NALCN: variants seen among roughly 807,000 people sequenced by gnomAD.
The protein encoded by NALCN is sodium leak channel NALCN.
A neutral mutation model predicts 225.3 loss-of-function variants in NALCN; 111 were observed. The ratio of observed to expected loss-of-function variants is 0.49; its 90% confidence interval spans 0.42 to 0.58. The LOEUF (loss-of-function observed/expected upper bound fraction) is 0.58, where lower values mean the gene tolerates loss of function less well. NALCN is among the 20% of genes least tolerant of loss of function. NALCN has a pLI of 0.00. For missense variants in NALCN, 1,378 were observed against 2,202.4 expected, an observed-to-expected ratio of 0.63 and a Z score of 7.49; for synonymous variants, 764 against 769.0, an observed-to-expected ratio of 0.99 and a Z score of 0.11.
chr13:101,369,030 T>G, intron 6 of NALCN: 1 of 348,622 alleles, frequency 2.9e-6, no homozygotes. Flanking sequence ...AAAAAAGATA[T>G]TATTGATAGA....
chr13:101,172,960 A>T (rs2038801873), intron 15 of NALCN, among the ~76,000 whole-genome samples: 2 of 152,240 alleles, frequency 1.3e-5, no homozygotes, highest in South Asian at 2.1e-4. Flanking sequence ...AGTTAAAAAC[A>T]TATCGATAAT....
chr13:101,207,663 C>G (rs541378535), intron 13 of NALCN, among the ~76,000 whole-genome samples: 1 of 152,052 alleles, frequency 6.6e-6, no homozygotes, highest in South Asian at 2.1e-4. Context: ...CTGTGTCTAG[C>G]TAAAGATTTG....
chr13:101,263,414 T>C (rs2042497354), intron 10 of NALCN, among the ~76,000 whole-genome samples: 1 of 152,256 alleles, frequency 6.6e-6, no homozygotes, highest in Admixed American at 6.5e-5. Flanking sequence ...ATTCCTTTTC[T>C]ATACTCCTTT....
chr13:101,110,578 T>A (rs771035945), intron 20 of NALCN, 41 bp downstream of exon 20: 3 of 1,594,378 alleles, frequency 1.9e-6, no homozygotes. Flanking sequence ...TACATTTTCA[T>A]AATCACGTTT....
intron 1 of NALCN, among the ~76,000 whole-genome samples, chr13:101,411,914 T>C (rs189080039): frequency 1.3e-5 from 2 of 152,330 alleles, no homozygotes; most frequent in African/African-American, 4.8e-5. Context: ...AATTGTCTAC[T>C]GATATTTTTC....
At chr13:101,177,544 C>A (rs1260210261) in intron 14 of NALCN, among the ~76,000 whole-genome samples, 3 of 151,172 alleles carry the variant, frequency 2.0e-5, no homozygotes, top group Non-Finnish European at 4.4e-5. Flanking sequence ...ACAATTTTTC[C>A]TCTTTTAAAA....
intron 15 of NALCN, among the ~76,000 whole-genome samples, chr13:101,157,769 T>C (rs2037976537): frequency 6.8e-6 from 1 of 147,552 alleles, no homozygotes; most frequent in Admixed American, 6.8e-5. Flanking sequence ...TTTTTTTTCC[T>C]GAGATGGAGT....
chr13:101,194,896 C>T (rs1466215127), intron 13 of NALCN, among the ~76,000 whole-genome samples: 12 of 151,998 alleles, frequency 7.9e-5, no homozygotes, highest in African/African-American at 2.9e-4. Flanking sequence ...CCCAGCTACT[C>T]GGGAGGCTGA....
At chr13:101,189,842 G>T (rs1004919873) in intron 14 of NALCN, among the ~76,000 whole-genome samples, 2 of 152,192 alleles carry the variant, frequency 1.3e-5, no homozygotes, top group African/African-American at 4.8e-5. Context: ...ACTTAAATCA[G>T]TAAGTGGAAA....
At chr13:101,355,487 A>G (rs188180921) in intron 6 of NALCN, among the ~76,000 whole-genome samples, 10 of 152,314 alleles carry the variant, frequency 6.6e-5, no homozygotes, top group Admixed American at 2.0e-4. Flanking sequence ...TCAATTCAAC[A>G]AGAAGAGCTA....
intron 13 of NALCN, among the ~76,000 whole-genome samples, chr13:101,194,792 T>G (rs1269190463): frequency 6.6e-6 from 1 of 152,126 alleles, no homozygotes; most frequent in Admixed American, 6.5e-5. Context: ...TCACTTGAGG[T>G]CAGGAGTTCC....
chr13:101,255,417 C>T (rs1394809079), intron 11 of NALCN, among the ~76,000 whole-genome samples: 1 of 149,444 alleles, frequency 6.7e-6, no homozygotes, highest in Non-Finnish European at 1.5e-5. Flanking sequence ...TTCACTTATG[C>T]TCCAGGACTG....
chr13:101,406,094 C>A (rs534832264), intron 1 of NALCN, among the ~76,000 whole-genome samples: 3 of 150,328 alleles, frequency 2.0e-5, no homozygotes, highest in African/African-American at 7.4e-5. Flanking sequence ...GGCAGTGGAT[C>A]GCTTGAGTCC....
chr13:101,090,017 G>A (rs1374452679), intron 28 of NALCN, 51 bp from the exon 29 acceptor site: 9 of 1,610,518 alleles, frequency 5.6e-6, no homozygotes, highest in African/African-American at 1.3e-5. Flanking sequence ...AGCAGCACCC[G>A]AAGGCAAATA....
intron 10 of NALCN, among the ~76,000 whole-genome samples, chr13:101,261,895 G>A (rs2042441101): frequency 6.6e-6 from 1 of 152,160 alleles, no homozygotes; most frequent in Admixed American, 6.5e-5. Flanking sequence ...AATAACAGAG[G>A]TGATAGTGGG....
chr13:101,191,302 T>A (rs778785518), intron 14 of NALCN, among the ~76,000 whole-genome samples: 1 of 152,052 alleles, frequency 6.6e-6, no homozygotes, highest in Admixed American at 6.5e-5. Context: ...TTCTTTGTTT[T>A]TAATGGAAGT....
chr13:101,232,509 G>A (rs1365785885), intron 12 of NALCN, among the ~76,000 whole-genome samples: 8 of 149,914 alleles, frequency 5.3e-5, no homozygotes, highest in East Asian at 2.0e-4. Flanking sequence ...GTAGTGGAGC[G>A]ATCTCGGCTC....
intron 1 of NALCN, among the ~76,000 whole-genome samples, chr13:101,409,150 C>T (rs1187922366): frequency 6.6e-6 from 1 of 152,132 alleles, no homozygotes; most frequent in Non-Finnish European, 1.5e-5. Context: ...CACAATGCCC[C>T]AATGCCCTTT....
At chr13:101,095,137 T>C (rs1420559610) in intron 28 of NALCN, among the ~76,000 whole-genome samples, 2 of 152,220 alleles carry the variant, frequency 1.3e-5, no homozygotes, top group Non-Finnish European at 2.9e-5. Context: ...GTTTCAATAA[T>C]GGAAGTCCTT....
Sources: allele counts gnomAD v4.1 joint callset (sites outside exome capture counted in the v4.1 genomes callset), GRCh38; gene constraint gnomAD v4.1.1; transcripts MANE v1.5; gene names NCBI Gene and HGNC (gene_info 2026-07-23, HGNC 2026-07-21).